ANK1: variants seen among roughly 807,000 people sequenced by gnomAD.
ANK1 encodes the protein ankyrin-1.
In ANK1, 51 loss-of-function variants were observed where a neutral mutation model predicts 210.4. That is an observed-to-expected ratio of 0.24 (90% CI 0.19 to 0.31). The LOEUF is 0.31. Among genes scored for constraint, ANK1 ranks in the 10% least tolerant of loss-of-function variants. The pLI, the probability that ANK1 is intolerant of heterozygous loss-of-function variation, is 1.00. For missense variants in ANK1, 2,051 were observed against 2,504.4 expected (o/e 0.82, Z 3.86); for synonymous variants, 967 against 1,025.9 (o/e 0.94, Z 1.10).
At chr8:41,854,665 C>T (rs1053719735) in intron 1 of ANK1, among the ~76,000 whole-genome samples, 6 of 152,102 alleles carry the variant, frequency 3.9e-5, no homozygotes, top group African/African-American at 1.2e-4. Flanking sequence ...ATGCGCTGGT[C>T]GTGGTGGTTC....
intron 1 of ANK1, chr8:41,829,773 A>G (rs948574379): frequency 1.3e-5 from 2 of 151,964 alleles, no homozygotes; most frequent in Non-Finnish European, 2.9e-5. Flanking sequence ...CGTCTCTACT[A>G]AAAATACAAA....
intron 37 of ANK1, among the ~76,000 whole-genome samples, chr8:41,677,139 A>G (rs987456568): frequency 1.3e-5 from 2 of 152,178 alleles, no homozygotes; most frequent in South Asian, 2.1e-4. Context: ...TTGTCATAAT[A>G]TCCCTTTATT....
At chr8:41,893,492 C>T (rs574714913) in intron 1 of ANK1, among the ~76,000 whole-genome samples, 47 of 152,180 alleles carry the variant, frequency 3.1e-4, no homozygotes, top group Non-Finnish European at 5.1e-4. Flanking sequence ...CTCCACCCCC[C>T]GCACACAGCA....
At chr8:41,805,004 C>T (rs1291632174) in intron 1 of ANK1, among the ~76,000 whole-genome samples, 3 of 151,944 alleles carry the variant, frequency 2.0e-5, no homozygotes, top group South Asian at 2.1e-4. Flanking sequence ...TTTTTTATCT[C>T]GGGACCCTTT....
chr8:41,888,115 T>C (rs148520211), intron 1 of ANK1, among the ~76,000 whole-genome samples: 2,327 of 152,348 alleles, frequency 0.015, 56 homozygotes, highest in African/African-American at 0.053. Flanking sequence ...CAGCTGCCCC[T>C]GCTATCGAAG....
intron 1 of ANK1, among the ~76,000 whole-genome samples, chr8:41,833,214 C>G (rs6474366): frequency 0.6 from 90,679 of 151,988 alleles, 28,501 homozygotes; most frequent in East Asian, 0.83. Context: ...GAGGACACAG[C>G]GATCACCCCT....
intron 14 of ANK1, among the ~76,000 whole-genome samples, chr8:41,715,313 T>C (rs1041097697): frequency 1.3e-5 from 2 of 152,196 alleles, no homozygotes; most frequent in Non-Finnish European, 2.9e-5. Flanking sequence ...GGTAGTTGAT[T>C]GCTGGCTAGC....
At chr8:41,891,507 C>A (rs1031871025) in intron 1 of ANK1, among the ~76,000 whole-genome samples, 1 of 152,230 alleles carries the variant, frequency 6.6e-6, no homozygotes, top group Non-Finnish European at 1.5e-5. Context: ...TCCTCACAGT[C>A]ACCCTTCACA....
At chr8:41,875,562 G>A (rs1816396904) in intron 1 of ANK1, among the ~76,000 whole-genome samples, 1 of 152,226 alleles carries the variant, frequency 6.6e-6, no homozygotes, top group Non-Finnish European at 1.5e-5. Context: ...AGGCTCGGCA[G>A]ACAGGCACAT....
At chr8:41,749,833 A>G (rs1325207945) in intron 2 of ANK1, among the ~76,000 whole-genome samples, 1 of 151,724 alleles carries the variant, frequency 6.6e-6, no homozygotes, top group Non-Finnish European at 1.5e-5. Flanking sequence ...GCTCGTCTCG[A>G]ACTCCTGACC....
At chr8:41,687,786 C>T (rs1458966916) in intron 35 of ANK1, among the ~76,000 whole-genome samples, 3 of 152,144 alleles carry the variant, frequency 2.0e-5, no homozygotes. Flanking sequence ...ATTTGCCCAC[C>T]TGTCTCCCTT....
chr8:41,805,428 G>C (rs549427855), intron 1 of ANK1, among the ~76,000 whole-genome samples: 1 of 152,018 alleles, frequency 6.6e-6, no homozygotes, highest in Non-Finnish European at 1.5e-5. Context: ...TTTAGTTTTT[G>C]TAGAGACAGG....
At position 41,887,242 on chromosome 8, in the gene ANK1, C is replaced by CTTTTTTTTT. The variant is rs35112522; in HGVS notation, c.126+9104_126+9112dup. 9.9e-5 allele frequency among the ~76,000 whole-genome samples: 8 copies of CTTTTTTTTT among 80,712 alleles called. 1 individual carries two copies. Among genetic ancestry groups the CTTTTTTTTT allele is most frequent in the African/African-American group, 3.9e-4 (7 of 17,730 alleles). 53.0% of individuals were successfully genotyped at this position (80,712 alleles called of 152,430 possible). ...TTCCTTTCTTCTTTTCTTTCCTTTCCTTTTTTTTTTTTTTTTTTTTTTTAG... is the reference window on the plus strand; with the variant it reads ...TTCCTTTCTTCTTTTCTTTCCTTTCCTTTTTTTTTTTTTTTTTTTTTTTTTTTTTTTTAG... On this transcript the variant is annotated intron_variant, in intron 1 of 42. Transcript: ENST00000265709.
At chr8:41,823,508 T>C (rs912056574) in intron 1 of ANK1, among the ~76,000 whole-genome samples, 2 of 151,972 alleles carry the variant, frequency 1.3e-5, no homozygotes, top group Non-Finnish European at 2.9e-5. Flanking sequence ...GCTCAAGAAA[T>C]AGCACTTTGG....
chr8:41,663,096 G>GTCTCTCTC lies in ANK1; in HGVS notation c.5478+562_5478+563insGAGAGAGA, dbSNP rs550550380. Among the ~76,000 whole-genome samples, 13 of 82,296 alleles carry GTCTCTCTC rather than the reference G, an allele frequency of 1.6e-4. No homozygotes were observed. In the South Asian group the frequency reaches 1.8e-3, roughly 11 times the overall value. The allele number at this position is 82,296 out of a possible 152,430, so 54.0% of individuals were successfully genotyped here. A position where few individuals can be genotyped will look rare whatever the true frequency, so the allele number is the denominator to read the frequency against. On this transcript the variant is annotated intron_variant, in intron 40 of 42. Transcript: ENST00000289734. ...TGCCTGGCTAATTTTGTGTGTGTGT[G>GTCTCTCTC]TGTCTCTCTCTCTCTCTCTGTGTGT...
At chr8:41,811,751 A>G (rs1161368247) in intron 1 of ANK1, among the ~76,000 whole-genome samples, 1 of 152,242 alleles carries the variant, frequency 6.6e-6, no homozygotes, top group East Asian at 1.9e-4. Flanking sequence ...CCGTGAGGTT[A>G]TGCCGGTGCA....
chr8:41,875,731 G>A (rs1171182824), intron 1 of ANK1, among the ~76,000 whole-genome samples: 1 of 152,322 alleles, frequency 6.6e-6, no homozygotes, highest in East Asian at 1.9e-4. Flanking sequence ...CTTTGCAGGG[G>A]GAGGACAAAC....
At chr8:41,833,975 G>A (rs969194823) in intron 1 of ANK1, among the ~76,000 whole-genome samples, 2 of 152,186 alleles carry the variant, frequency 1.3e-5, no homozygotes, top group African/African-American at 4.8e-5. Flanking sequence ...AGGGCCCTGC[G>A]TGGATAAAGG....
intron 2 of ANK1, among the ~76,000 whole-genome samples, chr8:41,752,768 C>T (rs1300104227): frequency 1.3e-5 from 2 of 150,028 alleles, no homozygotes; most frequent in African/African-American, 4.9e-5. Flanking sequence ...GATGCCCACA[C>T]GTCCCTCCTG....
Sources: allele counts gnomAD v4.1 joint callset (sites outside exome capture counted in the v4.1 genomes callset), GRCh38; gene constraint gnomAD v4.1.1; transcripts MANE v1.5; gene names NCBI Gene and HGNC (gene_info 2026-07-23, HGNC 2026-07-21).